The following SDK1 variants were observed in gnomAD, a reference collection of about 807,000 sequenced individuals.
SDK1 encodes protein sidekick-1.
Under a neutral mutation model 245.5 loss-of-function variants are expected in SDK1, and 157 were observed. The ratio of observed to expected loss-of-function variants is 0.64; its 90% confidence interval spans 0.56 to 0.73. The LOEUF (loss-of-function observed/expected upper bound fraction) is 0.73. SDK1 is among the 30% of genes least tolerant of loss of function. The pLI is 0.00. For synonymous variants in SDK1, 1,647 were observed against 1,278.5 expected (o/e 1.29, Z -6.15); for missense variants, 3,583 against 3,002.3 (o/e 1.19, Z -4.52).
At chr7:3,352,800 A>G (rs1421244890) in intron 1 of SDK1, among the ~76,000 whole-genome samples, 1 of 151,470 alleles carries the variant, frequency 6.6e-6, no homozygotes, top group Non-Finnish European at 1.5e-5. Context: ...CAAAGTTCTG[A>G]GGAGCATGAA....
At chr7:3,739,781 C>T (rs1277948800) in intron 4 of SDK1, among the ~76,000 whole-genome samples, 1 of 151,960 alleles carries the variant, frequency 6.6e-6, no homozygotes, top group African/African-American at 2.4e-5. Flanking sequence ...CTATTGATTG[C>T]TTTTTTTCCC....
At chr7:3,774,809 T>G (rs2115003997) in intron 4 of SDK1, among the ~76,000 whole-genome samples, 1 of 152,334 alleles carries the variant, frequency 6.6e-6, no homozygotes, top group East Asian at 1.9e-4. Flanking sequence ...CCTTATAAAT[T>G]TTTGGTATTA....
In SDK1 at chr7:3,874,574, C is replaced by T. The variant is rs570535103; in HGVS notation, c.847+52991C>T. On this transcript the variant is annotated intron_variant, in intron 5 of 44. Coordinates refer to ENST00000404826, the MANE Select transcript of SDK1 (RefSeq NM_152744.4). ...GGGCCTAGCATATATTCCCGCCTCCCTTCCAGGGGTAGAACTCCTTCTCCA... is the reference window on the plus strand; with the variant it reads ...GGGCCTAGCATATATTCCCGCCTCCTTTCCAGGGGTAGAACTCCTTCTCCA... Among the ~76,000 whole-genome samples the T allele has an allele frequency of 1.6e-3, 237 of 152,296 alleles. 2 individuals are homozygous for T. The highest frequency in any genetic ancestry group is 5.6e-3 in the African/African-American group (231 of 41,554).
chr7:3,536,443 C>T (rs1196908152), intron 1 of SDK1, among the ~76,000 whole-genome samples: 2 of 151,966 alleles, frequency 1.3e-5, no homozygotes, highest in East Asian at 1.9e-4. Flanking sequence ...CTTGTGGAGG[C>T]CAAGGTGGGC....
At chr7:3,762,998 T>C (rs894177545) in intron 4 of SDK1, among the ~76,000 whole-genome samples, 5 of 152,136 alleles carry the variant, frequency 3.3e-5, no homozygotes, top group Admixed American at 1.3e-4. Context: ...GCTTGGCACG[T>C]GATAGGAATT....
intron 14 of SDK1, among the ~76,000 whole-genome samples, chr7:4,009,626 G>A (rs373947088): frequency 7.2e-5 from 11 of 152,226 alleles, no homozygotes; most frequent in East Asian, 5.8e-4. Flanking sequence ...CGAAGACTGC[G>A]TTCCCAGAAA....
intron 30 of SDK1, among the ~76,000 whole-genome samples, chr7:4,156,975 G>C (rs905645122): frequency 1.4e-4 from 22 of 152,192 alleles, no homozygotes; most frequent in African/African-American, 5.3e-4. Flanking sequence ...TTTCTGGTCT[G>C]GAAACTGAGG....
chr7:3,773,893 A>G (rs1780474529), intron 4 of SDK1, among the ~76,000 whole-genome samples: 1 of 152,196 alleles, frequency 6.6e-6, no homozygotes, highest in Non-Finnish European at 1.5e-5. Flanking sequence ...CTAAAAGAAG[A>G]GAAAGAGAAA....
chr7:3,825,357 C>A (rs989538984), intron 5 of SDK1, among the ~76,000 whole-genome samples: 29 of 146,346 alleles, frequency 2.0e-4, no homozygotes, highest in Non-Finnish European at 1.5e-5. Flanking sequence ...GGCGATGAGA[C>A]GAATTCTATA....
intron 4 of SDK1, among the ~76,000 whole-genome samples, chr7:3,659,033 C>G (rs965788607): frequency 6.6e-6 from 1 of 152,176 alleles, no homozygotes; most frequent in Non-Finnish European, 1.5e-5. Context: ...ATCTACTTCT[C>G]GTCTATATGA....
At chr7:4,148,771 T>A (rs1051948312) in intron 29 of SDK1, among the ~76,000 whole-genome samples, 6 of 152,198 alleles carry the variant, frequency 3.9e-5, no homozygotes, top group Non-Finnish European at 5.9e-5. Context: ...TTAAGATAGC[T>A]GCTCAGCTGG....
In SDK1 at chr7:3,632,419, A is replaced by T. The variant is rs147645439; in HGVS notation, c.459-6585A>T. Among the ~76,000 whole-genome samples the T allele has an allele frequency of 7.1e-3, 1,085 of 152,324 alleles. 3 individuals carry two copies. Among genetic ancestry groups the T allele is most frequent in the Non-Finnish European group, 0.012 (816 of 68,022 alleles). ...TTGGCTTTCATAACTATTAATGAAG[A>T]TAAAGTTTAAATGTAGTCATTCATG... is the stretch of plus-strand genomic sequence containing the variant. On this transcript the variant is annotated intron_variant, in intron 2 of 44. Transcript: ENST00000404826.
chr7:3,936,288 A>G (rs1275731299), intron 5 of SDK1, among the ~76,000 whole-genome samples: 2 of 152,126 alleles, frequency 1.3e-5, no homozygotes, highest in African/African-American at 4.8e-5. Flanking sequence ...TTGGGAAAAT[A>G]AAAGTGTTTT....
chr7:4,172,701 C>T (rs1584362816), intron 32 of SDK1, among the ~76,000 whole-genome samples: 1 of 152,164 alleles, frequency 6.6e-6, no homozygotes, highest in African/African-American at 2.4e-5. Context: ...TCGGCAGGGT[C>T]CTGCTGCCTC....
intron 4 of SDK1, among the ~76,000 whole-genome samples, chr7:3,745,918 C>T (rs543949020): frequency 1.3e-5 from 2 of 152,144 alleles, no homozygotes; most frequent in African/African-American, 4.8e-5. Flanking sequence ...CACTCTGAAG[C>T]CTGCTATGTG....
chr7:3,949,647 G>A (rs192342716), intron 5 of SDK1, among the ~76,000 whole-genome samples: 1 of 152,244 alleles, frequency 6.6e-6, no homozygotes, highest in South Asian at 2.1e-4. Flanking sequence ...ATGTTGGATT[G>A]GTCTTCATTT....
intron 37 of SDK1, 65 bp downstream of exon 37, chr7:4,208,350 C>A: frequency 6.8e-7 from 1 of 1,466,070 alleles, no homozygotes; most frequent in East Asian, 2.3e-5. Context: ...AGCGCCAGCT[C>A]AGGTCCCCTC....
chr7:3,568,225 A>G (rs1368095766), intron 1 of SDK1, among the ~76,000 whole-genome samples: 1 of 152,234 alleles, frequency 6.6e-6, no homozygotes. Flanking sequence ...TATGCATTTA[A>G]TTTAATATGC....
chr7:4,012,062 T>A (rs750097321), intron 15 of SDK1, 33 bp from the exon 16 acceptor site: 1 of 1,416,082 alleles, frequency 7.1e-7, no homozygotes, highest in Non-Finnish European at 9.3e-7. Flanking sequence ...CTGGTACTCA[T>A]CTCTCTTGTT....
Sources: gnomAD v4.1 joint callset for allele counts (sites outside exome capture counted in the v4.1 genomes callset) on GRCh38, gnomAD v4.1.1 for gene constraint, MANE v1.5 for transcripts, NCBI Gene and HGNC (gene_info 2026-07-23, HGNC 2026-07-21) for gene names.